KCTD8: variants seen among roughly 807,000 people sequenced by gnomAD.
KCTD8 encodes BTB/POZ domain-containing protein KCTD8.
KCTD8 carries 27 observed loss-of-function variants against 31.5 expected under a neutral mutation model. The ratio of observed to expected loss-of-function variants is 0.86; its 90% CI spans 0.63 to 1.18. The LOEUF (loss-of-function observed/expected upper bound fraction) is 1.18. Among genes scored for constraint, KCTD8 ranks in the 50% most tolerant of loss-of-function variants. The probability of loss-of-function intolerance (pLI) is 0.00; values close to 1 mark genes in which losing one functional copy is unlikely to be tolerated. For synonymous variants in KCTD8, 290 were observed against 280.0 expected, an observed-to-expected ratio of 1.04 and a Z score of -0.36; for missense variants, 658 against 647.7, an observed-to-expected ratio of 1.02 and a Z score of -0.17.
intron 1 of KCTD8, among the ~76,000 whole-genome samples, chr4:44,421,696 A>G (rs1196246407): frequency 6.6e-6 from 1 of 152,118 alleles, no homozygotes; most frequent in Non-Finnish European, 1.5e-5. Flanking sequence ...CATATGCACC[A>G]TAGGGGTATC....
chr4:44,235,734 T>C (rs1715273164), intron 1 of KCTD8, among the ~76,000 whole-genome samples: 1 of 151,430 alleles, frequency 6.6e-6, no homozygotes, highest in East Asian at 2.0e-4. Context: ...AGAGAAATAA[T>C]ATCATATATC....
chr4:44,347,585 AAC>A (rs1719067049), intron 1 of KCTD8, among the ~76,000 whole-genome samples: 1 of 152,186 alleles, frequency 6.6e-6, no homozygotes, highest in Non-Finnish European at 1.5e-5. Context: ...TTTTCAGCTA[AAC>A]ATCTTTAGTT....
chr4:44,353,611 TCC>T (rs993204563), intron 1 of KCTD8, among the ~76,000 whole-genome samples: 1 of 152,020 alleles, frequency 6.6e-6, no homozygotes, highest in African/African-American at 2.4e-5. Context: ...CACCTCTTTA[TCC>T]CCCTTCTCAT....
chr4:44,414,967 G>A (rs1475024660), intron 1 of KCTD8, among the ~76,000 whole-genome samples: 1 of 152,192 alleles, frequency 6.6e-6, no homozygotes, highest in African/African-American at 2.4e-5. Context: ...GAAGCCAAGG[G>A]AAAGTTTGGA....
intron 1 of KCTD8, among the ~76,000 whole-genome samples, chr4:44,373,131 G>T (rs1384769381): frequency 6.6e-6 from 1 of 152,112 alleles, no homozygotes; most frequent in Non-Finnish European, 1.5e-5. Flanking sequence ...TTGGGAGGCC[G>T]AGGAGGGTGG....
At chr4:44,447,059 G>A (rs1261263002) in intron 1 of KCTD8, among the ~76,000 whole-genome samples, 2 of 152,184 alleles carry the variant, frequency 1.3e-5, no homozygotes, top group East Asian at 3.9e-4. Context: ...GGAGGCTCCC[G>A]CGCGGCAGCT....
chr4:44,225,144 A>G (rs866530624), intron 1 of KCTD8, among the ~76,000 whole-genome samples: 11 of 152,336 alleles, frequency 7.2e-5, no homozygotes, highest in African/African-American at 1.9e-4. Flanking sequence ...CTACCTTCCT[A>G]ATCAGATAAG....
intron 1 of KCTD8, among the ~76,000 whole-genome samples, chr4:44,326,320 G>A (rs1160584292): frequency 6.6e-6 from 1 of 151,692 alleles, no homozygotes. Flanking sequence ...TGTCTATTTT[G>A]GTAGCTGTCT....
intron 1 of KCTD8, among the ~76,000 whole-genome samples, chr4:44,442,999 A>C (rs1388737177): frequency 1.3e-5 from 2 of 152,224 alleles, no homozygotes; most frequent in Non-Finnish European, 2.9e-5. Flanking sequence ...ATAAAAGTTC[A>C]ATGCCATTAA....
At chr4:44,235,093 C>CCAATGATGATGATGATGATGA (rs1306844135) in intron 1 of KCTD8, among the ~76,000 whole-genome samples, 23 of 151,264 alleles carry the variant, frequency 1.5e-4, no homozygotes, top group African/African-American at 5.6e-4. Flanking sequence ...ACCACGTTGA[C>CCAATGATGATGATGATGATGA]CAATGATGAT....
chr4:44,419,681 T>TCACATACC (rs1721164215), intron 1 of KCTD8, among the ~76,000 whole-genome samples: 1 of 151,262 alleles, frequency 6.6e-6, no homozygotes, highest in South Asian at 2.1e-4. Flanking sequence ...GCAGGGAGTG[T>TCACATACC]CACATACCGG....
chr4:44,414,259 G>A (rs1229463488), intron 1 of KCTD8, among the ~76,000 whole-genome samples: 2 of 151,524 alleles, frequency 1.3e-5, no homozygotes, highest in African/African-American at 4.8e-5. Context: ...ACCAAGAAAA[G>A]AGACCCTGAA....
At chr4:44,259,337 G>A (rs904231552) in intron 1 of KCTD8, among the ~76,000 whole-genome samples, 10 of 151,662 alleles carry the variant, frequency 6.6e-5, no homozygotes, top group East Asian at 1.9e-4. Flanking sequence ...ATAATCAGCC[G>A]GTTTCTCTTT....
At chr4:44,326,090 G>T (rs184312305) in intron 1 of KCTD8, among the ~76,000 whole-genome samples, 7 of 151,916 alleles carry the variant, frequency 4.6e-5, no homozygotes, top group Non-Finnish European at 7.4e-5. Flanking sequence ...TAATGTCATT[G>T]CTTCTTCAGT....
chr4:44,176,169 CT>C (rs1177648115), intron 1 of KCTD8, among the ~76,000 whole-genome samples: 4 of 152,172 alleles, frequency 2.6e-5, no homozygotes, highest in African/African-American at 7.2e-5. Flanking sequence ...TTACTCAACT[CT>C]TATTTTATTT....
intron 1 of KCTD8, among the ~76,000 whole-genome samples, chr4:44,394,639 G>A (rs73247528): frequency 2.0e-5 from 3 of 151,648 alleles, no homozygotes; most frequent in Admixed American, 6.6e-5. Flanking sequence ...AATTCAAATC[G>A]GATAATTTGA....
intron 1 of KCTD8, among the ~76,000 whole-genome samples, chr4:44,201,172 T>C (rs2109339213): frequency 6.6e-6 from 1 of 152,162 alleles, no homozygotes; most frequent in African/African-American, 2.4e-5. Flanking sequence ...CACAAATAAA[T>C]GGATAAACCT....
intron 1 of KCTD8, among the ~76,000 whole-genome samples, chr4:44,271,526 CA>C (rs550409868): frequency 1.3e-5 from 2 of 152,012 alleles, no homozygotes; most frequent in African/African-American, 4.8e-5. Context: ...TGGCCATAAA[CA>C]AAATCTCTGC....
intron 1 of KCTD8, among the ~76,000 whole-genome samples, chr4:44,191,454 T>G (rs1278028462): frequency 6.6e-6 from 1 of 152,178 alleles, no homozygotes; most frequent in Non-Finnish European, 1.5e-5. Context: ...AAGAGCCATA[T>G]TTTTCTTCTT....
Sources: allele counts gnomAD v4.1 joint callset (sites outside exome capture counted in the v4.1 genomes callset), GRCh38; gene constraint gnomAD v4.1.1; transcripts MANE v1.5; gene names NCBI Gene and HGNC (gene_info 2026-07-23, HGNC 2026-07-21).